PCDHGB7: variants seen among roughly 807,000 people sequenced by gnomAD.
PCDHGB7 encodes the protein protocadherin gamma subfamily B, 7.
In PCDHGB7, 37 loss-of-function variants were observed where a neutral mutation model predicts 61.4. The ratio of observed to expected loss-of-function variants is 0.60; its 90% CI spans 0.46 to 0.79. The LOEUF (loss-of-function observed/expected upper bound fraction) is 0.79. Ranked by LOEUF, PCDHGB7 falls within the 30% of genes least tolerant of loss-of-function variation. PCDHGB7 has a pLI of 0.00. For synonymous variants in PCDHGB7, 464 were observed against 503.5 expected (o/e 0.92, Z 1.05); for missense variants, 1,166 against 1,202.5 (o/e 0.97, Z 0.45).
chr5:141,427,705 C>T (rs2097059995), intron 1 of PCDHGB7: 1 of 983,052 alleles, frequency 1.0e-6, no homozygotes, highest in African/African-American at 1.6e-5. Flanking sequence ...CAAGTCAGCG[C>T]CTCTGACCTG....
chr5:141,455,283 C>G (rs1225185590), intron 1 of PCDHGB7, among the ~76,000 whole-genome samples: 1 of 152,000 alleles, frequency 6.6e-6, no homozygotes, highest in East Asian at 1.9e-4. Context: ...ATTAACATCA[C>G]TTTACATAGT....
chr5:141,483,869 G>A (rs2099587910), intron 1 of PCDHGB7, among the ~76,000 whole-genome samples: 1 of 152,126 alleles, frequency 6.6e-6, no homozygotes, highest in South Asian at 2.1e-4. Flanking sequence ...GTCCAGATCA[G>A]GATGGATTTT....
At position 141,430,258 on chromosome 5, in the gene PCDHGB7, A is replaced by G. The variant is rs542653323; in HGVS notation, c.2415+9984A>G. On this transcript the variant is annotated intron_variant, in intron 1 of 3. Coordinates refer to ENST00000398594, the MANE Select transcript of PCDHGB7 (RefSeq NM_018927.4). ...GAGAAACTCCTAGGGAGACATCTCC[A>G]TAATAGGTGTGTTGGGGGAACAGTA... is the stretch of plus-strand genomic sequence containing the variant. Among the ~76,000 whole-genome samples the G allele has an allele frequency of 5.4e-5, 8 of 148,074 alleles. No homozygotes were observed. In the South Asian group the frequency reaches 8.5e-4, roughly 16 times the overall value.
intron 1 of PCDHGB7, among the ~76,000 whole-genome samples, chr5:141,455,439 C>T (rs966470257): frequency 1.3e-5 from 2 of 152,126 alleles, no homozygotes; most frequent in East Asian, 1.9e-4. Context: ...AGGAGGTCCC[C>T]ATCTACCGCG....
intron 1 of PCDHGB7, 137 bp from the exon 2 acceptor site, chr5:141,494,670 C>T: frequency 6.5e-7 from 1 of 1,529,402 alleles, no homozygotes; most frequent in Non-Finnish European, 8.8e-7. Flanking sequence ...GGAGATGAGT[C>T]CACCCCTGCC....
In PCDHGB7 at chr5:141,511,330, T is replaced by C; in HGVS notation, c.*157T>C. 1 of 1,455,994 alleles carries C rather than the reference T, an allele frequency of 6.9e-7. No homozygotes were observed. The highest frequency in any genetic ancestry group is 9.1e-7 in the Non-Finnish European group (1 of 1,093,254). 90.2% of individuals were successfully genotyped at this position (1,455,994 alleles called of 1,614,324 possible). ...TTGGGAAACAGAAACAAGTGCCCAG[T>C]CAGCACCTACCCCTTCCCCCCCAGG... On this transcript the variant is annotated 3_prime_UTR_variant, in exon 4 of 4. Coordinates refer to ENST00000398594, the MANE Select transcript of PCDHGB7 (RefSeq NM_018927.4).
intron 1 of PCDHGB7, among the ~76,000 whole-genome samples, chr5:141,444,786 T>C (rs1252217349): frequency 6.6e-6 from 1 of 152,226 alleles, no homozygotes; most frequent in Non-Finnish European, 1.5e-5. Context: ...CATGTTTCAT[T>C]TGTCTATTCT....
At chr5:141,453,331 C>G (rs1224258701) in intron 1 of PCDHGB7, among the ~76,000 whole-genome samples, 1 of 151,962 alleles carries the variant, frequency 6.6e-6, no homozygotes, top group East Asian at 1.9e-4. Flanking sequence ...TGGGGTCTCA[C>G]TATGTTTCCC....
Position 141,431,789 on chromosome 5 carries a change from G to A in PCDHGB7, c.2415+11515G>A, listed in dbSNP as rs760507500. On this transcript the variant is annotated intron_variant, in intron 1 of 3. Coordinates refer to ENST00000398594, the MANE Select transcript of PCDHGB7 (RefSeq NM_018927.4). This position sits in a 1 kb window ranked among gnomAD's most constrained non-coding sequence, Gnocchi z 4.8. ...CACTGTTCTGGACGTGAACGACAATGCCCCAGAAGTGGTCCTCACCTCTCT... is the reference window on the plus strand; with the variant it reads ...CACTGTTCTGGACGTGAACGACAATACCCCAGAAGTGGTCCTCACCTCTCT... 7.4e-6 allele frequency: 12 copies of A among 1,614,096 alleles called. No homozygotes were observed. The highest frequency in any genetic ancestry group is 5.9e-6 in the Non-Finnish European group (7 of 1,180,042).
rs752145084 is a variant in PCDHGB7 at position 141,489,550 on chromosome 5, C to T, written c.2416-5257C>T. On this transcript the variant is annotated intron_variant, in intron 1 of 3. Coordinates refer to ENST00000398594, the MANE Select transcript of PCDHGB7 (RefSeq NM_018927.4). This position sits in a 1 kb window ranked among gnomAD's most constrained non-coding sequence, Gnocchi z 4.5. ...ATGTGGAGCCAGCACCAGCTGCCTGCTGCCAGTGCAGGTGGTGACTGAACA... is the reference window on the plus strand; with the variant it reads ...ATGTGGAGCCAGCACCAGCTGCCTGTTGCCAGTGCAGGTGGTGACTGAACA... The T allele has an allele frequency of 1.2e-6, 2 of 1,614,132 alleles. No homozygotes were observed. The highest frequency in any genetic ancestry group is 1.7e-5 in the Admixed American group (1 of 60,030).
rs1342215231 is a variant in PCDHGB7, at chr5:141,419,878, G to T, written c.2019G>T (p.Pro673=). Residue 673 remains proline (P), a synonymous_variant, in exon 1 of 4, where the codon CCG becomes CCT. Transcript: ENST00000398594. ...CAGATAGCTTGCAAGAGGTACTGCC[G>T]GATTTCAGCGACCATCCCACACCCT... The part of the protein sequence containing the change: ...VFADSLQEVL[P]DFSDHPTPSD... 6.2e-7 allele frequency: 1 copy of T among 1,613,942 alleles called. No homozygotes were observed. Among genetic ancestry groups the T allele is most frequent in the African/African-American group, 1.3e-5 (1 of 74,952 alleles).
chr5:141,511,358 G>T lies in PCDHGB7; in HGVS notation c.*185G>T, dbSNP rs905197337. 1.5e-6 allele frequency: 2 copies of T among 1,355,398 alleles called. No homozygotes were observed. Among genetic ancestry groups the T allele is most frequent in the East Asian group, 2.5e-5 (1 of 39,588 alleles). The allele number at this position is 1,355,398 out of a possible 1,614,324, so 84.0% of individuals were successfully genotyped here. ...GCACCTACCCCTTCCCCCCCAGGGGGTTGAATATGCAAAAGCAGTTCCGCT... is the reference window on the plus strand; with the variant it reads ...GCACCTACCCCTTCCCCCCCAGGGGTTTGAATATGCAAAAGCAGTTCCGCT... On this transcript the variant is annotated 3_prime_UTR_variant, in exon 4 of 4. Coordinates refer to ENST00000398594, the MANE Select transcript of PCDHGB7 (RefSeq NM_018927.4).
In PCDHGB7 at chr5:141,432,177, CTG is replaced by C. The variant is rs769631339; in HGVS notation, c.2415+11906_2415+11907del. 4 of 1,614,102 alleles carry C rather than the reference CTG, an allele frequency of 2.5e-6. No homozygotes were observed. Among genetic ancestry groups the C allele is most frequent in the Admixed American group, 1.7e-5 (1 of 60,012 alleles). ...AATCCCAGAGGAGTTTCCCTCGTCT[CTG>C]TGACCGCCCACGACCCCGACTGTGA... On this transcript the variant is annotated intron_variant, in intron 1 of 3. Transcript: ENST00000398594. The surrounding 1 kb of genome is among the most constrained non-coding windows in gnomAD (Gnocchi z 6.0).
In PCDHGB7 at chr5:141,485,629, C is replaced by G. The variant is rs1028146827; in HGVS notation, c.2416-9178C>G. The G allele has an allele frequency of 1.2e-6, 2 of 1,611,902 alleles. No individual in the cohort carries two copies. The highest frequency in any genetic ancestry group is 3.3e-5 in the Admixed American group (2 of 59,922). On this transcript the variant is annotated intron_variant, in intron 1 of 3. Coordinates refer to ENST00000398594, the MANE Select transcript of PCDHGB7 (RefSeq NM_018927.4). This position sits in a 1 kb window ranked among gnomAD's most constrained non-coding sequence, Gnocchi z 5.7. ...AGGCAGCTCCTCCAGGACAGCGTTTCCCGTTGGAAAAGGCTCAGGATGCAG... is the reference window on the plus strand; with the variant it reads ...AGGCAGCTCCTCCAGGACAGCGTTTGCCGTTGGAAAAGGCTCAGGATGCAG...
chr5:141,427,616 C>T (rs922511046), intron 1 of PCDHGB7: 1 of 693,880 alleles, frequency 1.4e-6, no homozygotes, highest in Non-Finnish European at 2.6e-6. Context: ...GTGAAGTCAA[C>T]GACAATGCTC....
chr5:141,472,850 G>A (rs1230517294), intron 1 of PCDHGB7, among the ~76,000 whole-genome samples: 1 of 151,876 alleles, frequency 6.6e-6, no homozygotes, highest in Admixed American at 6.6e-5. Flanking sequence ...GCTGGGCATG[G>A]TGGCACATGC....
At chr5:141,420,494 C>T (rs978136090) in intron 1 of PCDHGB7, 6 of 499,392 alleles carry the variant, frequency 1.2e-5, no homozygotes, top group African/African-American at 2.0e-5. Flanking sequence ...GGGTAATCTC[C>T]GGTGACATTT....
chr5:141,502,629 G>A (rs1368174848), intron 2 of PCDHGB7, among the ~76,000 whole-genome samples: 1 of 152,096 alleles, frequency 6.6e-6, no homozygotes, highest in Non-Finnish European at 1.5e-5. Context: ...GTAATCTGTG[G>A]ATGATACTTT....
rs757755103 is a variant in PCDHGB7 at position 141,432,638 on chromosome 5, C to A, written c.2415+12364C>A. On this transcript the variant is annotated intron_variant, in intron 1 of 3. Coordinates refer to ENST00000398594, the MANE Select transcript of PCDHGB7 (RefSeq NM_018927.4). The surrounding 1 kb of genome is among the most constrained non-coding windows in gnomAD (Gnocchi z 6.0). ...GGTGGGTCTGCACACGGGCGAGGTG[C>A]GCACGGCGCGAGCCCTGCTGGACAG... The A allele has an allele frequency of 6.2e-6, 10 of 1,613,810 alleles. No homozygotes were observed. Among genetic ancestry groups the A allele is most frequent in the African/African-American group, 1.3e-5 (1 of 75,064 alleles).
Sources: allele counts gnomAD v4.1 joint callset (sites outside exome capture counted in the v4.1 genomes callset), GRCh38; gene constraint gnomAD v4.1.1; non-coding constraint Gnocchi (gnomAD v3.1); transcripts MANE v1.5; gene names NCBI Gene and HGNC (gene_info 2026-07-23, HGNC 2026-07-21).